TCP11L1: variants seen among roughly 807,000 people sequenced by gnomAD.
TCP11L1 encodes the protein T-complex protein 11-like protein 1.
In TCP11L1, 28 loss-of-function variants were observed where a neutral mutation model predicts 48.9. That is an observed-to-expected ratio of 0.57 (90% confidence interval 0.42 to 0.78). The LOEUF (loss-of-function observed/expected upper bound fraction) is 0.78, where lower values mean the gene tolerates loss of function less well. TCP11L1 is among the 30% of genes least tolerant of loss of function. TCP11L1 has a pLI of 0.00. For synonymous variants in TCP11L1, 204 were observed against 231.9 expected (o/e 0.88, Z 1.09); for missense variants, 505 against 613.4 (o/e 0.82, Z 1.87).
chr11:33,044,529 T>G (rs1375473242), intron 2 of TCP11L1, among the ~76,000 whole-genome samples: 3 of 152,172 alleles, frequency 2.0e-5, no homozygotes, highest in Admixed American at 1.3e-4. Flanking sequence ...TTGAAGTGAG[T>G]CCAAAAATGC....
chr11:33,068,965 G>C lies in TCP11L1; in HGVS notation c.1327+106G>C, dbSNP rs370158726. Reference sequence around the variant, plus strand: ...TCAGCTGGAGTTAAGGTGCTGATGGGTGAGGAGATGGTGTAATGAAGCACC... The same window carrying C: ...TCAGCTGGAGTTAAGGTGCTGATGGCTGAGGAGATGGTGTAATGAAGCACC... On this transcript the variant is annotated intron_variant, in intron 9 of 9. Coordinates refer to ENST00000334274, the MANE Select transcript of TCP11L1 (RefSeq NM_018393.4). 3.0e-5 allele frequency: 42 copies of C among 1,383,424 alleles called. 2 individuals carry two copies. Among genetic ancestry groups the C allele is most frequent in the East Asian group, 1.2e-4 (5 of 40,700 alleles). 85.7% of individuals were successfully genotyped at this position (1,383,424 alleles called of 1,614,324 possible).
chr11:33,042,794 G>A (rs560481583), intron 1 of TCP11L1, among the ~76,000 whole-genome samples: 9 of 150,766 alleles, frequency 6.0e-5, no homozygotes, highest in South Asian at 2.1e-4. Flanking sequence ...TAGGCCAGGC[G>A]CAGTGGCTCA....
At chr11:33,058,760 G>A (rs552137461) in intron 5 of TCP11L1, among the ~76,000 whole-genome samples, 199 bp from the exon 6 acceptor site, 1 of 152,066 alleles carries the variant, frequency 6.6e-6, no homozygotes, top group Non-Finnish European at 1.5e-5. Flanking sequence ...CCCTTCATGT[G>A]GATCCATCAG....
At chr11:33,048,558 C>T (rs145141862) in intron 2 of TCP11L1, among the ~76,000 whole-genome samples, 1 of 152,292 alleles carries the variant, frequency 6.6e-6, no homozygotes, top group East Asian at 1.9e-4. Flanking sequence ...TATCTTAGAA[C>T]TGTAGCTTTT....
At position 33,052,806 on chromosome 11, in the gene TCP11L1, G is replaced by A. The variant is rs1458927643; in HGVS notation, c.164-1787G>A. 2.0e-5 allele frequency among the ~76,000 whole-genome samples: 3 copies of A among 152,070 alleles called. No individual in the cohort carries two copies. In the South Asian group the frequency reaches 6.2e-4, roughly 32 times the overall value. The stretch of plus-strand genomic sequence containing the variant: ...GCTCAGGAGTTCGAGACCAGCCTGG[G>A]CAACATGGCGAAACTTGTCTTTAAA... On this transcript the variant is annotated intron_variant, in intron 2 of 9. Transcript: ENST00000334274.
In TCP11L1 at chr11:33,059,011, A is replaced by G; in HGVS notation, c.691A>G (p.Ile231Val). The G allele has an allele frequency of 6.2e-7, 1 of 1,614,220 alleles. No homozygotes were observed. The highest frequency in any genetic ancestry group is 1.7e-5 in the Admixed American group (1 of 60,012). Residue 231 changes from isoleucine to valine, a missense_variant, in exon 6 of 10, where the codon ATC becomes GTC. Ile to Val is a conservative substitution (Grantham distance 29). Transcript: ENST00000334274. ...GAAAGTGGACATGGCCAACTTTGCT[A>G]TCAGTAGCATCAGGCCTCATCTCAT... Reference protein sequence around the residue: ...LMKVDMANFAISSIRPHLMQQ... With the variant: ...LMKVDMANFAVSSIRPHLMQQ...
intron 8 of TCP11L1, among the ~76,000 whole-genome samples, chr11:33,066,413 A>C (rs1478706328): frequency 2.0e-5 from 3 of 152,128 alleles, no homozygotes; most frequent in Non-Finnish European, 2.9e-5. Flanking sequence ...TGGGGCACAT[A>C]GTAGATGTGA....
In TCP11L1 at chr11:33,061,716, C is replaced by T. The variant is rs1854472578; in HGVS notation, c.962C>T (p.Pro321Leu). 6 of 1,597,928 alleles carry T rather than the reference C, an allele frequency of 3.8e-6. No individual in the cohort carries two copies. Among genetic ancestry groups the T allele is most frequent in the Admixed American group, 1.7e-5 (1 of 58,068 alleles). Residue 321 changes from proline to leucine, a missense_variant, in exon 7 of 10, where the codon CCG (proline) becomes CTG (leucine). This residue lies in a region of TCP11L1 where 335 missense variants were observed against 413.3 expected (regional missense o/e 0.81). Coordinates refer to ENST00000334274, the MANE Select transcript of TCP11L1 (RefSeq NM_018393.4). ...CTGAAGTGGGACCACCTCCAGAGGC[C>T]GTTCCCCGAAGTAGGTCTCCTGAGC... ...KLLKWDHLQR[P>L]FPETVLMDQS... is the part of the protein sequence containing the mutation.
At chr11:33,069,032 G>A (rs1293632181) in intron 9 of TCP11L1, among the ~76,000 whole-genome samples, 173 bp downstream of exon 9, 1 of 152,110 alleles carries the variant, frequency 6.6e-6, no homozygotes, top group Non-Finnish European at 1.5e-5. Context: ...CACAGGACCA[G>A]GCAGCCATCA....
At chr11:33,052,454 T>A (rs1177049542) in intron 2 of TCP11L1, among the ~76,000 whole-genome samples, 1 of 149,774 alleles carries the variant, frequency 6.7e-6, no homozygotes, top group Admixed American at 6.8e-5. Flanking sequence ...TATGACCAGC[T>A]CTTCGATTTG....
chr11:33,068,920 A>C lies in TCP11L1; in HGVS notation c.1327+61A>C, dbSNP rs2133748332. 6.4e-6 allele frequency: 10 copies of C among 1,567,272 alleles called. No individual in the cohort carries two copies. The South Asian group carries it at 1.1e-4, about 17-fold the overall frequency. On this transcript the variant is annotated intron_variant, in intron 9 of 9. Coordinates refer to ENST00000334274, the MANE Select transcript of TCP11L1 (RefSeq NM_018393.4). The stretch of plus-strand genomic sequence containing the variant: ...CTCTGAGGGGCTGGAGCACGAGTCC[A>C]TCTGAAGAAACCTGAGGGCTCAGCT...
intron 2 of TCP11L1, among the ~76,000 whole-genome samples, chr11:33,050,688 A>T (rs534863398): frequency 1.3e-5 from 2 of 152,344 alleles, no homozygotes; most frequent in South Asian, 2.1e-4. Flanking sequence ...AATAGAGTCT[A>T]TCATGGAATG....
intron 2 of TCP11L1, among the ~76,000 whole-genome samples, chr11:33,053,901 C>T (rs1159273558): frequency 1.3e-5 from 2 of 152,054 alleles, no homozygotes; most frequent in African/African-American, 4.8e-5. Flanking sequence ...ATGATCATAG[C>T]TCACTGCAGG....
intron 9 of TCP11L1, among the ~76,000 whole-genome samples, chr11:33,071,639 C>T (rs1854793185): frequency 6.6e-6 from 1 of 152,260 alleles, no homozygotes; most frequent in East Asian, 1.9e-4. Flanking sequence ...GACTTCCATG[C>T]AGGCATCAGA....
intron 1 of TCP11L1, 34 bp from the exon 2 acceptor site, chr11:33,043,711 ATACTT>A: frequency 6.5e-7 from 1 of 1,533,312 alleles, no homozygotes; most frequent in Non-Finnish European, 8.8e-7. Flanking sequence ...CAGAGCTAGA[ATACTT>A]TTAGTTCTTT....
At chr11:33,056,904 G>A (rs189072756) in intron 3 of TCP11L1, among the ~76,000 whole-genome samples, 6 of 152,178 alleles carry the variant, frequency 3.9e-5, no homozygotes, top group Admixed American at 2.6e-4. Context: ...AGTTGAGAGC[G>A]ATTCTTTCCA....
intron 7 of TCP11L1, among the ~76,000 whole-genome samples, chr11:33,064,716 G>A (rs562072363): frequency 7.4e-4 from 113 of 152,280 alleles, no homozygotes; most frequent in Middle Eastern, 3.4e-3. Context: ...GGTGCTGAGC[G>A]GATACCAAGA....
chr11:33,064,104 C>T (rs1372226450), intron 7 of TCP11L1, among the ~76,000 whole-genome samples: 3 of 151,920 alleles, frequency 2.0e-5, no homozygotes, highest in Non-Finnish European at 4.4e-5. Flanking sequence ...TCTCCAGCCT[C>T]CTCACTTGGC....
At position 33,045,387 on chromosome 11, in the gene TCP11L1, G is replaced by T. The variant is rs1039139788; in HGVS notation, c.163+1451G>T. Among the ~76,000 whole-genome samples, 5 of 150,904 alleles carry T rather than the reference G, an allele frequency of 3.3e-5. No individual in the cohort carries two copies. In the East Asian group the frequency reaches 9.7e-4, roughly 29 times the overall value. ...AAAAAAAAATTAGCTGAGCATGCAC[G>T]TGGTTGTAGTCCCAGCTACTTGGGA... On this transcript the variant is annotated intron_variant, in intron 2 of 9. Coordinates refer to ENST00000334274, the MANE Select transcript of TCP11L1 (RefSeq NM_018393.4).
Sources: gnomAD v4.1 joint callset for allele counts (sites outside exome capture counted in the v4.1 genomes callset) on GRCh38, gnomAD v4.1.1 for gene constraint, gnomAD v4.1.1 regional missense constraint, MANE v1.5 for transcripts, NCBI Gene and HGNC (gene_info 2026-07-23, HGNC 2026-07-21) for gene names.